STK33: variants seen among roughly 807,000 people sequenced by gnomAD.
The protein encoded by STK33 is serine/threonine-protein kinase 33.
Under a neutral mutation model 58.0 loss-of-function variants are expected in STK33, and 52 were observed. That is an observed-to-expected ratio of 0.90 (90% confidence interval 0.72 to 1.13). STK33 has a LOEUF of 1.13. STK33 is among the 50% of genes most tolerant of loss of function. The pLI is 0.00. For synonymous variants in STK33, 215 were observed against 200.1 expected, an observed-to-expected ratio of 1.07 and a Z score of -0.63; for missense variants, 630 against 604.2, an observed-to-expected ratio of 1.04 and a Z score of -0.45.
At chr11:8,563,785 G>A (rs1957269258) in intron 1 of STK33, among the ~76,000 whole-genome samples, 1 of 152,168 alleles carries the variant, frequency 6.6e-6, no homozygotes, top group Non-Finnish European at 1.5e-5. Context: ...ACTATATTGG[G>A]ATTTCCCAGA....
intron 1 of STK33, among the ~76,000 whole-genome samples, chr11:8,495,165 A>G (rs1950959564): frequency 6.6e-6 from 1 of 152,222 alleles, no homozygotes. Context: ...GGCAACCTAC[A>G]GAATGGGAGA....
intron 1 of STK33, among the ~76,000 whole-genome samples, chr11:8,570,663 T>C (rs777160012): frequency 1.3e-5 from 2 of 151,988 alleles, no homozygotes; most frequent in Non-Finnish European, 2.9e-5. Context: ...TAATCTACAG[T>C]GACAGAAAAG....
chr11:8,534,550 CTCTCTCTCTCTCTCTCTCTGTGTGTG>C (rs1326281028), intron 1 of STK33, among the ~76,000 whole-genome samples: 1 of 128,948 alleles, frequency 7.8e-6, no homozygotes, highest in African/African-American at 3.3e-5. Flanking sequence ...CTCTCTCTCT[CTCTCTCTCTCTCTCTCTCTGTGTGTG>C]TGTGTGTGTG....
At chr11:8,337,939 T>TC in the STK33 span, among the ~76,000 whole-genome samples, 13 of 151,806 alleles carry the variant, frequency 8.6e-5, no homozygotes, top group Non-Finnish European at 1.5e-5. Flanking sequence ...TTGCAACCCA[T>TC]CCCCCGTATT....
intron 1 of STK33, among the ~76,000 whole-genome samples, chr11:8,587,114 G>A (rs1489514200): frequency 6.6e-6 from 1 of 152,102 alleles, no homozygotes; most frequent in Non-Finnish European, 1.5e-5. Context: ...AATAAATTAA[G>A]CGAACAAACA....
At chr11:8,433,546 T>G (rs956982737) in intron 14 of STK33, among the ~76,000 whole-genome samples, 1 of 152,206 alleles carries the variant, frequency 6.6e-6, no homozygotes, top group Non-Finnish European at 1.5e-5. Flanking sequence ...ATTATCTGTT[T>G]GATATCACCA....
chr11:8,344,831 G>A, the STK33 span, among the ~76,000 whole-genome samples: 1 of 152,198 alleles, frequency 6.6e-6, no homozygotes, highest in Non-Finnish European at 1.5e-5. Flanking sequence ...GGAGCCCAGG[G>A]CTGTGCTTCC....
chr11:8,551,269 A>G (rs1242135111), intron 1 of STK33, among the ~76,000 whole-genome samples: 1 of 151,978 alleles, frequency 6.6e-6, no homozygotes, highest in African/African-American at 2.4e-5. Flanking sequence ...AGCTGGAACT[A>G]TAGGTGCCTA....
chr11:8,586,413 C>G lies in STK33; in HGVS notation c.-466+7670G>C, dbSNP rs188886560. Among the ~76,000 whole-genome samples the G allele has an allele frequency of 4.6e-5, 7 of 152,226 alleles. No homozygotes were observed. The East Asian group carries it at 1.4e-3, about 29-fold the overall frequency. On this transcript the variant is annotated intron_variant, in intron 1 of 15. Transcript: ENST00000687296. The stretch of plus-strand genomic sequence containing the variant: ...GCTGCTCCTTCTGCCTCAGCTTCCT[C>G]TTCCCTTTTGCTCATCCCTCCCTGA...
chr11:8,437,566 C>T (rs542591816), intron 12 of STK33, among the ~76,000 whole-genome samples: 2 of 152,308 alleles, frequency 1.3e-5, no homozygotes, highest in Non-Finnish European at 2.9e-5. Flanking sequence ...TTTCATTATA[C>T]TTCCCAAACT....
intron 1 of STK33, among the ~76,000 whole-genome samples, chr11:8,546,498 A>C (rs542859577): frequency 7.7e-4 from 118 of 152,306 alleles, no homozygotes; most frequent in African/African-American, 2.8e-3. Flanking sequence ...ATTACTGTTA[A>C]CTACAGTCAC....
chr11:8,483,248 A>G (rs1949964634), intron 1 of STK33, among the ~76,000 whole-genome samples: 1 of 152,184 alleles, frequency 6.6e-6, no homozygotes. Context: ...AAGTAGAGAC[A>G]CCAGCACATG....
chr11:8,563,177 T>C (rs964951137), intron 1 of STK33, among the ~76,000 whole-genome samples: 1 of 152,182 alleles, frequency 6.6e-6, no homozygotes, highest in Non-Finnish European at 1.5e-5. Flanking sequence ...GCATACAACC[T>C]AGAAATAACT....
At chr11:8,517,550 G>C (rs1489461890) in intron 1 of STK33, among the ~76,000 whole-genome samples, 1 of 152,178 alleles carries the variant, frequency 6.6e-6, no homozygotes, top group African/African-American at 2.4e-5. Flanking sequence ...CCAAACTAAA[G>C]GAGGATGTTC....
chr11:8,436,564 A>G (rs1202248361), intron 12 of STK33, among the ~76,000 whole-genome samples: 2 of 152,208 alleles, frequency 1.3e-5, no homozygotes, highest in Admixed American at 6.5e-5. Context: ...AATTGACTCA[A>G]CTGAAAAATA....
At chr11:8,567,186 T>G (rs1417562395) in intron 1 of STK33, 1 of 152,068 alleles carries the variant, frequency 6.6e-6, no homozygotes, top group South Asian at 2.1e-4. Context: ...CTAATAAAAT[T>G]TACTTCTTAA....
chr11:8,505,609 A>G (rs1337165152), intron 1 of STK33, among the ~76,000 whole-genome samples: 1 of 152,136 alleles, frequency 6.6e-6, no homozygotes, highest in Non-Finnish European at 1.5e-5. Flanking sequence ...TGGATCACAC[A>G]CTACTTCCTC....
chr11:8,451,854 A>C (rs1946317410), intron 11 of STK33, among the ~76,000 whole-genome samples: 1 of 152,080 alleles, frequency 6.6e-6, no homozygotes, highest in African/African-American at 2.4e-5. Context: ...TCTTTACAAA[A>C]TATATCTAAT....
the STK33 span, among the ~76,000 whole-genome samples, chr11:8,348,767 A>G: frequency 1.3e-5 from 2 of 152,154 alleles, no homozygotes; most frequent in Non-Finnish European, 2.9e-5. Flanking sequence ...CTGTTTTGGA[A>G]GTCTGCACGT....
Sources: allele counts gnomAD v4.1 joint callset (sites outside exome capture counted in the v4.1 genomes callset), GRCh38; gene constraint gnomAD v4.1.1; transcripts MANE v1.5; gene names NCBI Gene and HGNC (gene_info 2026-07-23, HGNC 2026-07-21).